The following IBTK variants were observed in gnomAD, a reference collection of about 807,000 sequenced individuals.
IBTK encodes the protein BTK-binding protein.
IBTK carries 83 observed loss-of-function variants against 154.9 expected under a neutral mutation model. The observed-to-expected ratio is 0.54, with a 90% CI of 0.45 to 0.64. The LOEUF (loss-of-function observed/expected upper bound fraction) is 0.64, where lower values mean the gene tolerates loss of function less well. Among genes scored for constraint, IBTK ranks in the 30% least tolerant of loss-of-function variants. IBTK has a pLI of 0.00. For missense variants in IBTK, 1,332 were observed against 1,584.6 expected, an observed-to-expected ratio of 0.84 and a Z score of 2.71; for synonymous variants, 515 against 536.1, an observed-to-expected ratio of 0.96 and a Z score of 0.54.
chr6:82,241,048 A>G lies in IBTK; in HGVS notation c.-357-205T>C, dbSNP rs181040605. 4.6e-5 allele frequency among the ~76,000 whole-genome samples: 7 copies of G among 152,274 alleles called. No individual in the cohort carries two copies. In the South Asian group the frequency reaches 1.0e-3, roughly 23 times the overall value. On this transcript the variant is annotated intron_variant, in intron 1 of 28. Transcript: ENST00000306270. ...CAAGATCTGATTTTTCACAAAAAAC[A>G]TTTGCAACCTCTGGCATAAACGGGT...
intron 9 of IBTK, 78 bp from the exon 10 acceptor site, chr6:82,218,215 G>T: frequency 9.9e-7 from 1 of 1,011,880 alleles, no homozygotes. Flanking sequence ...AAGATATCAA[G>T]AGACAATGCT....
At position 82,214,596 on chromosome 6, in the gene IBTK, G is replaced by C; in HGVS notation, c.1835C>G (p.Ser612Cys). ...FTDIYQKDED[S>C]AGCHLFVVEK... The stretch of plus-strand genomic sequence containing the variant: ...TACCACAAAGAGATGGCACCCTGCA[G>C]AATCTTCATCTTTCTGGTAAATATC... The change falls in exon 12 of 29, where the codon TCT (serine) becomes TGT (cysteine). Residue 612 changes from serine (S) to cysteine (C), a missense_variant. By Grantham distance (112) the Ser-to-Cys change is moderately radical (BLOSUM62 -1). Around this residue, in one of 3 missense-constraint regions of IBTK, gnomAD observed 1,134 missense variants for 1,274.7 expected, o/e 0.89. Transcript: ENST00000306270. The C allele has an allele frequency of 6.2e-7, 1 of 1,613,996 alleles. No homozygotes were observed. The highest frequency in any genetic ancestry group is 8.5e-7 in the Non-Finnish European group (1 of 1,179,980).
chr6:82,217,929 C>T (rs1769930730), intron 10 of IBTK, 31 bp downstream of exon 10: 5 of 1,401,270 alleles, frequency 3.6e-6, no homozygotes, highest in Non-Finnish European at 4.8e-6. Flanking sequence ...TTGAAAGGTA[C>T]TTTTACGTAT....
rs1319945904 is a variant in IBTK, at chr6:82,199,599, A to C, written c.3025+542T>G. 2.6e-5 allele frequency among the ~76,000 whole-genome samples: 4 copies of C among 152,148 alleles called. No homozygotes were observed. In the East Asian group the frequency reaches 7.7e-4, roughly 29 times the overall value. ...AAATTGAATCAACATGATAATAGTTATCTCTGTCATGTTTTGCCAACCTCT... is the reference window on the plus strand; with the variant it reads ...AAATTGAATCAACATGATAATAGTTCTCTCTGTCATGTTTTGCCAACCTCT... On this transcript the variant is annotated intron_variant, in intron 21 of 28. Coordinates refer to ENST00000306270, the MANE Select transcript of IBTK (RefSeq NM_015525.4).
At chr6:82,197,693 T>C (rs2127806162) in intron 21 of IBTK, among the ~76,000 whole-genome samples, 2 of 152,268 alleles carry the variant, frequency 1.3e-5, no homozygotes, top group Middle Eastern at 3.4e-3. Context: ...TTTTTAAGGC[T>C]GGCAAATTTT....
At chr6:82,173,658 CCT>C in intron 26 of IBTK, 1 of 223,712 alleles carries the variant, frequency 4.5e-6, no homozygotes, top group Non-Finnish European at 7.4e-6. Flanking sequence ...CAAGAAATAG[CCT>C]ATTTCTAATA....
intron 27 of IBTK, 156 bp from the exon 28 acceptor site, chr6:82,172,668 C>A: frequency 1.7e-6 from 1 of 597,402 alleles, no homozygotes; most frequent in Non-Finnish European, 2.7e-6. Context: ...TGATGAGTTT[C>A]ACTCATCTTC....
intron 2 of IBTK, among the ~76,000 whole-genome samples, chr6:82,234,710 T>G (rs1408519935): frequency 6.6e-6 from 1 of 152,112 alleles, no homozygotes; most frequent in African/African-American, 2.4e-5. Flanking sequence ...TTAATAATGA[T>G]TATCTCTCAT....
At chr6:82,182,728 A>G (rs1768366931) in intron 25 of IBTK, among the ~76,000 whole-genome samples, 1 of 152,232 alleles carries the variant, frequency 6.6e-6, no homozygotes, top group Non-Finnish European at 1.5e-5. Flanking sequence ...AACCAAAGCT[A>G]AACAGAAAAT....
At chr6:82,181,692 T>C (rs1768322565) in intron 26 of IBTK, among the ~76,000 whole-genome samples, 187 bp downstream of exon 26, 1 of 152,190 alleles carries the variant, frequency 6.6e-6, no homozygotes, top group Admixed American at 6.5e-5. Flanking sequence ...AAGTCAATTA[T>C]ATCTCCGTAA....
chr6:82,228,486 TATGAA>T (rs1770375615), intron 4 of IBTK, among the ~76,000 whole-genome samples: 1 of 152,256 alleles, frequency 6.6e-6, no homozygotes, highest in Non-Finnish European at 1.5e-5. Context: ...AAATTCATTT[TATGAA>T]ATAAGAAAGA....
chr6:82,194,237 A>G lies in IBTK; in HGVS notation c.3338+242T>C, dbSNP rs1768895492. 3.3e-5 allele frequency among the ~76,000 whole-genome samples: 5 copies of G among 152,306 alleles called. No homozygotes were observed. The South Asian group carries it at 8.3e-4, about 25-fold the overall frequency. ...ATACTAAGTTTCTCTCTATATACGT[A>G]AAACATAGTATTTGCTACTATTCAC... On this transcript the variant is annotated intron_variant, in intron 23 of 28. Transcript: ENST00000306270.
intron 16 of IBTK, chr6:82,205,409 T>C (rs1202193725): frequency 6.6e-6 from 1 of 152,318 alleles, no homozygotes; most frequent in Non-Finnish European, 1.5e-5. Flanking sequence ...TATGCTTTCT[T>C]ATTTAAAACA....
At chr6:82,242,199 A>G (rs1475921750) in intron 1 of IBTK, among the ~76,000 whole-genome samples, 1 of 151,892 alleles carries the variant, frequency 6.6e-6, no homozygotes, top group African/African-American at 2.4e-5. Flanking sequence ...GAGAAACCCT[A>G]TCTCTATTAA....
intron 17 of IBTK, among the ~76,000 whole-genome samples, chr6:82,203,916 A>C (rs1160128101): frequency 1.3e-5 from 2 of 152,194 alleles, no homozygotes; most frequent in Non-Finnish European, 2.9e-5. Flanking sequence ...TGAGAACTAA[A>C]ATGCCAAAGC....
chr6:82,211,635 T>C (rs900866968), intron 13 of IBTK, 63 bp from the exon 14 acceptor site: 2 of 1,354,088 alleles, frequency 1.5e-6, no homozygotes, highest in Non-Finnish European at 2.1e-6. Flanking sequence ...AAAAAGATTA[T>C]AGGATTTGGC....
At chr6:82,229,708 G>T (rs1007581460) in intron 4 of IBTK, among the ~76,000 whole-genome samples, 1 of 152,064 alleles carries the variant, frequency 6.6e-6, no homozygotes, top group Non-Finnish European at 1.5e-5. Flanking sequence ...ATTCACTAAA[G>T]ACTTGGACAC....
intron 16 of IBTK, among the ~76,000 whole-genome samples, chr6:82,206,254 C>T (rs1769407812): frequency 6.6e-6 from 1 of 152,126 alleles, no homozygotes. Flanking sequence ...CCACAGGAGA[C>T]AGAACAGTTG....
At position 82,226,146 on chromosome 6, in the gene IBTK, A is replaced by G. The variant is rs541547744; in HGVS notation, c.655-499T>C. 1.1e-3 allele frequency among the ~76,000 whole-genome samples: 172 copies of G among 152,304 alleles called. 1 individual carries two copies. The highest frequency in any genetic ancestry group is 4.1e-3 in the African/African-American group (170 of 41,562). ...TCTGTACCTCATTTTCTTCATCTGA[A>G]AACAGTAATCAGTCAATAAACGATT... is the stretch of plus-strand genomic sequence containing the variant. On this transcript the variant is annotated intron_variant, in intron 5 of 28. Coordinates refer to ENST00000306270, the MANE Select transcript of IBTK (RefSeq NM_015525.4).
Sources: allele counts gnomAD v4.1 joint callset (sites outside exome capture counted in the v4.1 genomes callset), GRCh38; gene constraint gnomAD v4.1.1; regional missense constraint gnomAD v4.1.1; transcripts MANE v1.5; gene names NCBI Gene and HGNC (gene_info 2026-07-23, HGNC 2026-07-21).